The following ZMAT5 variants were observed in gnomAD, a reference collection of about 807,000 sequenced individuals.
ZMAT5 encodes the protein zinc finger matrin-type 5.
ZMAT5 carries 23 observed loss-of-function variants against 28.0 expected under a neutral mutation model. The ratio of observed to expected loss-of-function variants is 0.82; its 90% confidence interval spans 0.59 to 1.16. The LOEUF (loss-of-function observed/expected upper bound fraction) is 1.16. ZMAT5 is among the 50% of genes most tolerant of loss of function. The pLI, the probability that ZMAT5 is intolerant of heterozygous loss-of-function variation, is 0.00. For missense variants in ZMAT5, 173 were observed against 212.7 expected (o/e 0.81, Z 1.16); for synonymous variants, 76 against 84.1 (o/e 0.90, Z 0.52).
intron 5 of ZMAT5, chr22:29,731,607 C>T (rs1346280623): frequency 2.2e-6 from 1 of 457,410 alleles, no homozygotes; most frequent in Non-Finnish European, 3.8e-6. Flanking sequence ...ACCTTCGTGT[C>T]CACCTGTGGG....
intron 1 of ZMAT5, among the ~76,000 whole-genome samples, chr22:29,762,897 G>A (rs572762222): frequency 2.6e-5 from 4 of 152,214 alleles, no homozygotes; most frequent in East Asian, 1.9e-4. Flanking sequence ...GATTACCTCC[G>A]AATGAGAATT....
At chr22:29,742,563 G>A in intron 2 of ZMAT5, 83 bp from the exon 3 acceptor site, 1 of 1,259,864 alleles carries the variant, frequency 7.9e-7, no homozygotes, top group Non-Finnish European at 1.1e-6. Flanking sequence ...GGGGCATATG[G>A]ACCCTTTATC....
intron 2 of ZMAT5, among the ~76,000 whole-genome samples, chr22:29,744,553 C>G (rs769712510): frequency 2.0e-5 from 3 of 151,914 alleles, no homozygotes; most frequent in Non-Finnish European, 2.9e-5. Context: ...TGGGGGGGTA[C>G]TAGGGGAGGG....
chr22:29,738,212 T>G (rs956388098), intron 5 of ZMAT5, 118 bp downstream of exon 5: 57 of 1,011,720 alleles, frequency 5.6e-5, no homozygotes, highest in Non-Finnish European at 8.0e-5. Flanking sequence ...TGTAGGCAAC[T>G]TTATTCGGCC....
At chr22:29,760,405 G>C (rs1004972429) in intron 1 of ZMAT5, among the ~76,000 whole-genome samples, 1 of 151,176 alleles carries the variant, frequency 6.6e-6, no homozygotes, top group Non-Finnish European at 1.5e-5. Flanking sequence ...TTAGCTCAGC[G>C]TGGTGGTGCA....
chr22:29,744,376 CG>C (rs2067989986), intron 2 of ZMAT5, among the ~76,000 whole-genome samples: 1 of 702 alleles, frequency 1.4e-3, no homozygotes, highest in Non-Finnish European at 3.8e-3. Context: ...TTGTGGGAGG[CG>C]GGGGCGGGCG....
intron 2 of ZMAT5, among the ~76,000 whole-genome samples, chr22:29,744,920 C>A (rs527952045): frequency 3.3e-5 from 5 of 152,230 alleles, no homozygotes; most frequent in Non-Finnish European, 5.9e-5. Context: ...GTATTCAAGG[C>A]CCCTCATGAT....
chr22:29,761,657 A>G (rs1245127354), intron 1 of ZMAT5, among the ~76,000 whole-genome samples: 1 of 152,186 alleles, frequency 6.6e-6, no homozygotes, highest in Admixed American at 6.6e-5. Flanking sequence ...ATGAGAATCT[A>G]ATGCCTAAAA....
At chr22:29,747,251 C>T (rs73161005) in intron 2 of ZMAT5, 23,873 of 152,226 alleles carry the variant, frequency 0.16, 2,343 homozygotes, top group Non-Finnish European at 0.22. Flanking sequence ...AGCAGGCATG[C>T]GATCCATGCT....
intron 1 of ZMAT5, chr22:29,758,921 C>G (rs1285369046): frequency 6.6e-6 from 1 of 152,242 alleles, no homozygotes; most frequent in Non-Finnish European, 1.5e-5. Flanking sequence ...TTCCTTCTCC[C>G]TCTGGAGGCT....
At chr22:29,750,279 G>A (rs543457295) in intron 1 of ZMAT5, among the ~76,000 whole-genome samples, 8 of 152,310 alleles carry the variant, frequency 5.3e-5, no homozygotes, top group Non-Finnish European at 1.0e-4. Context: ...GTCCCCTAAC[G>A]TTACATTGCC....
chr22:29,744,095 A>T (rs899220109), intron 2 of ZMAT5, among the ~76,000 whole-genome samples: 17 of 152,156 alleles, frequency 1.1e-4, no homozygotes, highest in Non-Finnish European at 2.4e-4. Flanking sequence ...TAATGAATGG[A>T]GAGTGCTTTG....
intron 5 of ZMAT5, 48 bp from the exon 6 acceptor site, chr22:29,731,402 A>G: frequency 6.6e-7 from 1 of 1,522,550 alleles, no homozygotes; most frequent in Middle Eastern, 1.7e-4. Context: ...ACTACAGCCC[A>G]GGCTTATGCC....
chr22:29,766,521 C>A (rs2068213784), intron 1 of ZMAT5, among the ~76,000 whole-genome samples: 1 of 152,224 alleles, frequency 6.6e-6, no homozygotes, highest in Non-Finnish European at 1.5e-5. Context: ...CCAGAACAGG[C>A]GCTGGGAAAA....
In ZMAT5 at chr22:29,741,682, C is replaced by T. The variant is rs147372634; in HGVS notation, c.190+736G>A. ...TTTTTTAAAAGAGACAGGGTCCTCA[C>T]TCTGTTGCCCAGGTGGGAGTGCAGT... On this transcript the variant is annotated intron_variant, in intron 3 of 5. Coordinates refer to ENST00000344318, the MANE Select transcript of ZMAT5 (RefSeq NM_001003692.2). Among the ~76,000 whole-genome samples, 599 of 152,308 alleles carry T rather than the reference C, an allele frequency of 3.9e-3. 3 individuals are homozygous for T. Among genetic ancestry groups the T allele is most frequent in the African/African-American group, 0.014 (569 of 41,564 alleles).
intron 5 of ZMAT5, among the ~76,000 whole-genome samples, chr22:29,735,158 C>T (rs985796728): frequency 2.6e-5 from 4 of 152,086 alleles, no homozygotes; most frequent in African/African-American, 7.2e-5. Flanking sequence ...AAGCCCAGGA[C>T]GGAGGGAAAG....
intron 2 of ZMAT5, chr22:29,748,001 A>G (rs1601723423): frequency 3.7e-6 from 1 of 271,612 alleles, no homozygotes; most frequent in Non-Finnish European, 7.4e-6. Context: ...ACAGGCTTGG[A>G]AGATCCCTGC....
intron 1 of ZMAT5, among the ~76,000 whole-genome samples, chr22:29,763,018 T>A (rs1049086111): frequency 6.6e-6 from 1 of 152,018 alleles, no homozygotes; most frequent in Non-Finnish European, 1.5e-5. Context: ...AGACCCTCTC[T>A]CTACAAAAAA....
intron 4 of ZMAT5, among the ~76,000 whole-genome samples, chr22:29,739,980 G>C (rs931515532): frequency 1.7e-4 from 26 of 152,226 alleles, no homozygotes; most frequent in Admixed American, 6.5e-4. Flanking sequence ...GAAGCTTAAG[G>C]GGGCAGGCAC....
Sources: allele counts gnomAD v4.1 joint callset (sites outside exome capture counted in the v4.1 genomes callset), GRCh38; gene constraint gnomAD v4.1.1; transcripts MANE v1.5; gene names NCBI Gene and HGNC (gene_info 2026-07-23, HGNC 2026-07-21).